The following F13A1 variants were observed in gnomAD, a reference collection of about 807,000 sequenced individuals.
The protein encoded by F13A1 is coagulation factor XIII A chain, also known as FSF, A subunit.
F13A1 carries 47 observed loss-of-function variants against 80.1 expected under a neutral mutation model. The observed-to-expected ratio is 0.59, with a 90% CI of 0.46 to 0.75. The LOEUF is 0.75. Ranked by LOEUF, F13A1 falls within the 30% of genes least tolerant of loss-of-function variation. The pLI is 0.00. For synonymous variants in F13A1, 349 were observed against 344.9 expected, an observed-to-expected ratio of 1.01 and a Z score of -0.13; for missense variants, 817 against 930.4, an observed-to-expected ratio of 0.88 and a Z score of 1.59.
chr6:6,249,660 T>G (rs1472511794), intron 5 of F13A1, among the ~76,000 whole-genome samples: 3 of 152,090 alleles, frequency 2.0e-5, no homozygotes, highest in Non-Finnish European at 4.4e-5. Context: ...TTGTTAGCTA[T>G]CTATAGATTG....
At chr6:6,167,736 A>G (rs1760703565) in intron 12 of F13A1, 118 bp from the exon 13 acceptor site, 3 of 1,125,478 alleles carry the variant, frequency 2.7e-6, no homozygotes, top group African/African-American at 3.1e-5. Context: ...GGAACACAGC[A>G]AAGGTAAGGG....
intron 10 of F13A1, among the ~76,000 whole-genome samples, chr6:6,190,421 T>G (rs1313629915): frequency 2.0e-5 from 3 of 151,302 alleles, no homozygotes; most frequent in African/African-American, 7.2e-5. Flanking sequence ...GTCCTTTCTG[T>G]TTGTTAGTTT....
At chr6:6,197,125 C>T in intron 9 of F13A1, 98 bp downstream of exon 9, 1 of 1,106,142 alleles carries the variant, frequency 9.0e-7, no homozygotes, top group Middle Eastern at 2.8e-4. Context: ...CAGATGTTGC[C>T]TCCCAATGGG....
chr6:6,219,247 G>A (rs561431828), intron 8 of F13A1, among the ~76,000 whole-genome samples: 5 of 151,936 alleles, frequency 3.3e-5, no homozygotes, highest in African/African-American at 7.3e-5. Context: ...AGTCTACACC[G>A]CACTGACCTC....
intron 2 of F13A1, among the ~76,000 whole-genome samples, chr6:6,306,929 A>C (rs1220644035): frequency 6.6e-6 from 1 of 152,198 alleles, no homozygotes; most frequent in Non-Finnish European, 1.5e-5. Flanking sequence ...TGGGCTCTTT[A>C]AGATCCTCTT....
chr6:6,174,544 C>T (rs371031839), intron 12 of F13A1, 36 bp downstream of exon 12: 87 of 1,609,564 alleles, frequency 5.4e-5, no homozygotes, highest in Non-Finnish European at 7.2e-5. Context: ...GGCCAGACAG[C>T]GAGTCTCAGA....
chr6:6,275,700 G>A (rs528654544), intron 3 of F13A1, among the ~76,000 whole-genome samples: 403 of 152,274 alleles, frequency 2.6e-3, no homozygotes, highest in Non-Finnish European at 4.2e-3. Flanking sequence ...ATACAGCCAT[G>A]AACCAAACAG....
At chr6:6,294,636 T>C (rs1022425243) in intron 3 of F13A1, among the ~76,000 whole-genome samples, 10 of 152,124 alleles carry the variant, frequency 6.6e-5, no homozygotes, top group African/African-American at 1.9e-4. Context: ...CTGACTAATA[T>C]AGTGAGTGAC....
intron 4 of F13A1, among the ~76,000 whole-genome samples, chr6:6,252,085 T>C (rs1757640460): frequency 1.3e-5 from 2 of 151,406 alleles, no homozygotes; most frequent in Non-Finnish European, 2.9e-5. Flanking sequence ...TAGAGAAAAA[T>C]ATTTCATGAC....
chr6:6,267,243 G>A (rs1377015376), intron 3 of F13A1, among the ~76,000 whole-genome samples: 1 of 152,198 alleles, frequency 6.6e-6, no homozygotes, highest in South Asian at 2.1e-4. Flanking sequence ...CACTGAGAAA[G>A]ATTAGAACTT....
intron 8 of F13A1, among the ~76,000 whole-genome samples, chr6:6,220,426 T>A (rs1157546125): frequency 6.6e-6 from 1 of 152,110 alleles, no homozygotes; most frequent in African/African-American, 2.4e-5. Flanking sequence ...TTAACTCTGT[T>A]TAGGGCCTGT....
intron 7 of F13A1, among the ~76,000 whole-genome samples, chr6:6,223,536 C>T (rs558864414): frequency 2.0e-5 from 3 of 152,234 alleles, no homozygotes; most frequent in Admixed American, 6.5e-5. Context: ...ACTTCAGAGA[C>T]CAGTGCTTCT....
At chr6:6,290,354 C>T (rs1758206159) in intron 3 of F13A1, among the ~76,000 whole-genome samples, 1 of 152,178 alleles carries the variant, frequency 6.6e-6, no homozygotes, top group Non-Finnish European at 1.5e-5. Context: ...TGTCAGCCAC[C>T]TGCCTCAGTG....
intron 8 of F13A1, among the ~76,000 whole-genome samples, chr6:6,211,506 T>G (rs1297157830): frequency 6.6e-6 from 1 of 152,250 alleles, no homozygotes; most frequent in Admixed American, 6.5e-5. Context: ...TGGTCTACAT[T>G]CTGAATTTTT....
At chr6:6,263,846 G>C (rs931475395) in intron 4 of F13A1, among the ~76,000 whole-genome samples, 2 of 152,074 alleles carry the variant, frequency 1.3e-5, no homozygotes, top group Non-Finnish European at 1.5e-5. Context: ...TGCAATTTTT[G>C]TTCTAAATAC....
At chr6:6,295,060 C>T (rs1271744628) in intron 3 of F13A1, among the ~76,000 whole-genome samples, 1 of 147,012 alleles carries the variant, frequency 6.8e-6, no homozygotes, top group East Asian at 1.9e-4. Flanking sequence ...CATGTCCCTA[C>T]AAAGGACATG....
chr6:6,291,542 A>C (rs1253527502), intron 3 of F13A1, among the ~76,000 whole-genome samples: 1 of 152,168 alleles, frequency 6.6e-6, no homozygotes, highest in Non-Finnish European at 1.5e-5. Flanking sequence ...GAGTTCAACC[A>C]GTGTCCCCCA....
At chr6:6,266,531 T>C (rs1349866405) in intron 4 of F13A1, 27 bp downstream of exon 4, 12 of 1,613,856 alleles carry the variant, frequency 7.4e-6, no homozygotes, top group Admixed American at 5.0e-5. Flanking sequence ...AATTTTTAAA[T>C]GAGAAAACTA....
chr6:6,176,329 T>C (rs987724527), intron 11 of F13A1, among the ~76,000 whole-genome samples: 1 of 152,230 alleles, frequency 6.6e-6, no homozygotes, highest in Non-Finnish European at 1.5e-5. Context: ...AGCACTGGCA[T>C]AAGTGCTTAT....
Sources: gnomAD v4.1 joint callset for allele counts (sites outside exome capture counted in the v4.1 genomes callset) on GRCh38, gnomAD v4.1.1 for gene constraint, MANE v1.5 for transcripts, NCBI Gene and HGNC (gene_info 2026-07-23, HGNC 2026-07-21) for gene names.